The following LPIN1 variants were observed in gnomAD, a reference collection of about 807,000 sequenced individuals.
LPIN1 encodes the protein lipin 1.
Under a neutral mutation model 107.5 loss-of-function variants are expected in LPIN1, and 71 were observed. The observed-to-expected ratio is 0.66, with a 90% CI of 0.55 to 0.80. The LOEUF is 0.80. Among genes scored for constraint, LPIN1 ranks in the 30% least tolerant of loss-of-function variants. The pLI is 0.00. For missense variants in LPIN1, 1,043 were observed against 1,160.6 expected (o/e 0.90, Z 1.47); for synonymous variants, 445 against 452.6 (o/e 0.98, Z 0.21).
At chr2:11,793,891 C>T (rs1676217253) in intron 13 of LPIN1, among the ~76,000 whole-genome samples, 1 of 152,188 alleles carries the variant, frequency 6.6e-6, no homozygotes, top group Admixed American at 6.5e-5. Context: ...TTCTTGGTCT[C>T]CATATTGGAC....
chr2:11,796,516 C>T (rs1572885149), intron 14 of LPIN1, among the ~76,000 whole-genome samples: 1 of 152,034 alleles, frequency 6.6e-6, no homozygotes, highest in Non-Finnish European at 1.5e-5. Flanking sequence ...GACGAGTGTG[C>T]GGGACCTGGT....
At chr2:11,718,926 G>T (rs758467519) in intron 2 of LPIN1, among the ~76,000 whole-genome samples, 2 of 152,318 alleles carry the variant, frequency 1.3e-5, no homozygotes, top group East Asian at 3.9e-4. Flanking sequence ...GGCTAAGGAC[G>T]CAAGGAGTGG....
chr2:11,734,732 G>T (rs1665610452), intron 1 of LPIN1, among the ~76,000 whole-genome samples: 1 of 152,170 alleles, frequency 6.6e-6, no homozygotes, highest in African/African-American at 2.4e-5. Flanking sequence ...TTTACAGGTG[G>T]CCACAGGCTT....
chr2:11,731,830 G>GTTTTT (rs58665647), intron 1 of LPIN1, among the ~76,000 whole-genome samples: 2 of 149,588 alleles, frequency 1.3e-5, no homozygotes, highest in African/African-American at 4.9e-5. Flanking sequence ...GTGATGATGA[G>GTTTTT]TTTTTTTTTT....
intron 1 of LPIN1, among the ~76,000 whole-genome samples, chr2:11,756,463 A>G (rs928874661): frequency 1.3e-5 from 2 of 152,126 alleles, no homozygotes; most frequent in African/African-American, 4.8e-5. Flanking sequence ...ATCTCAGCCC[A>G]TTGCAACCTC....
chr2:11,684,370 G>T (rs1321583720), intron 1 of LPIN1, among the ~76,000 whole-genome samples: 2 of 152,184 alleles, frequency 1.3e-5, no homozygotes, highest in African/African-American at 4.8e-5. Flanking sequence ...TAAAAACAAG[G>T]TTTCTCTATG....
Position 11,803,121 on chromosome 2 carries a change from C to T in LPIN1, c.2013+88C>T, listed in dbSNP as rs189653651. The T allele has an allele frequency of 2.0e-4, 320 of 1,561,664 alleles. No homozygotes were observed. The highest frequency in any genetic ancestry group is 1.4e-3 in the Middle Eastern group (6 of 4,346). On this transcript the variant is annotated intron_variant, in intron 15 of 20. Transcript: ENST00000674199. The surrounding 1 kb of genome is among the most constrained non-coding windows in gnomAD (Gnocchi z 4.2). The stretch of plus-strand genomic sequence containing the variant: ...GGCTGTGTGATGGTTGGGATGTGCC[C>T]GTTACTTGTCACCTTTCATCCCAGG...
In LPIN1 at chr2:11,784,912, A is replaced by C. The variant is rs185891077; in HGVS notation, c.1385A>C (p.His462Pro). ...GGAGATCCTTCCGGACTCGCAAAACATGCAAGCGACAACGGAGCCCGGTCA... is the reference window on the plus strand; with the variant it reads ...GGAGATCCTTCCGGACTCGCAAAACCTGCAAGCGACAACGGAGCCCGGTCA... ...KNGDPSGLAK[H>P]ASDNGARSAN... The change falls in exon 10 of 21, where the codon CAT becomes CCT. Residue 462 changes from histidine to proline, a missense_variant. Transcript: ENST00000674199. 3.0e-5 allele frequency: 48 copies of C among 1,613,898 alleles called. No homozygotes were observed. In the African/African-American group the frequency reaches 4.7e-4, roughly 16 times the overall value.
chr2:11,737,240 G>A (rs1378136028), intron 1 of LPIN1, among the ~76,000 whole-genome samples: 1 of 152,022 alleles, frequency 6.6e-6, no homozygotes, highest in African/African-American at 2.4e-5. Flanking sequence ...AACTCAAGAA[G>A]GATTAAAGAC....
intron 16 of LPIN1, 41 bp from the exon 17 acceptor site, chr2:11,805,029 A>G (rs1461963205): frequency 8.0e-7 from 1 of 1,257,226 alleles, no homozygotes; most frequent in South Asian, 1.2e-5. Context: ...TGAATCTGAA[A>G]GGGATTTTTA....
chr2:11,771,667 T>C lies in LPIN1; in HGVS notation c.584T>C (p.Leu195Pro), dbSNP rs765244673. The change falls in exon 4 of 21, where the codon CTG (leucine) becomes CCG (proline). Residue 195 changes from leucine to proline, a missense_variant. Leu to Pro is a moderately conservative substitution (Grantham distance 98). Coordinates refer to ENST00000674199, the MANE Select transcript of LPIN1 (RefSeq NM_001349206.2). The surrounding 1 kb of genome is among the most constrained non-coding windows in gnomAD (Gnocchi z 4.8). The part of the protein sequence containing the change: ...EMSSDEAMEL[L>P]ESSRTLPNDI... ...AGCTCGGATGAGGCCATGGAGCTGC[T>C]GGAGAGCAGCAGGTAATAACTGTCC... is the stretch of plus-strand genomic sequence containing the variant. 15 of 1,591,402 alleles carry C rather than the reference T, an allele frequency of 9.4e-6. No homozygotes were observed. Among genetic ancestry groups the C allele is most frequent in the Non-Finnish European group, 1.2e-5 (14 of 1,169,260 alleles).
In LPIN1 at chr2:11,707,416, G is replaced by A. The variant is rs1229866815; in HGVS notation, c.82-6340G>A. ...TGAAGAGGTGGCAGGAGGTGAGTCC[G>A]GAACCGTGGCCAGACCCCCTGAGGC... is the stretch of plus-strand genomic sequence containing the variant. On this transcript the variant is annotated intron_variant, in intron 1 of 21. Coordinates refer to the LPIN1 transcript ENST00000449576. This position sits in a 1 kb window ranked among gnomAD's most constrained non-coding sequence, Gnocchi z 4.2. Among the ~76,000 whole-genome samples the A allele has an allele frequency of 6.6e-6, 1 of 152,174 alleles. No individual in the cohort carries two copies. The highest frequency in any genetic ancestry group is 1.5e-5 in the Non-Finnish European group (1 of 68,026).
upstream of LPIN1, among the ~76,000 whole-genome samples, chr2:11,720,830 A>G (rs1283958435): frequency 6.6e-6 from 1 of 151,764 alleles, no homozygotes; most frequent in Non-Finnish European, 1.5e-5. Flanking sequence ...TCTCCCGAGG[A>G]TGCTGCAGCT....
chr2:11,714,533 C>T (rs148529089), intron 2 of LPIN1, among the ~76,000 whole-genome samples: 4 of 152,302 alleles, frequency 2.6e-5, no homozygotes, highest in East Asian at 1.9e-4. Context: ...CTCTGTCTCC[C>T]GTTCCTTTCT....
intron 1 of LPIN1, among the ~76,000 whole-genome samples, chr2:11,693,822 ATTTTTTTTTTTTTTTTT>A (rs34409476): frequency 5.3e-5 from 1 of 18,988 alleles, no homozygotes; most frequent in African/African-American, 1.6e-4. Context: ...ATATATATAT[ATTTTTTTTTTTTTTTTT>A]TTTTTTTTTT....
At position 11,768,674 on chromosome 2, in the gene LPIN1, C is replaced by T. The variant is rs112986520; in HGVS notation, c.288+816C>T. On this transcript the variant is annotated intron_variant, in intron 3 of 20. Transcript: ENST00000674199. Reference sequence around the variant, plus strand: ...ACTTGGGGCTGGGCATGGTGGCTCACGCCTGTAATCCCAGCACTTTGGGAG... The same window carrying T: ...ACTTGGGGCTGGGCATGGTGGCTCATGCCTGTAATCCCAGCACTTTGGGAG... Among the ~76,000 whole-genome samples the T allele has an allele frequency of 2.8e-3, 433 of 152,160 alleles. 4 individuals are homozygous for T. Among genetic ancestry groups the T allele is most frequent in the African/African-American group, 0.01 (415 of 41,500 alleles).
chr2:11,789,338 T>C (rs62114960), intron 12 of LPIN1, among the ~76,000 whole-genome samples: 16,584 of 152,166 alleles, frequency 0.11, 1,053 homozygotes, highest in Middle Eastern at 0.16. Context: ...CATACGTGCA[T>C]GTGTATGCAT....
At chr2:11,703,648 C>T (rs1469177544) in intron 1 of LPIN1, among the ~76,000 whole-genome samples, 3 of 152,094 alleles carry the variant, frequency 2.0e-5, no homozygotes, top group African/African-American at 7.2e-5. Context: ...AACTCATAGA[C>T]ACCTGCAAAA....
chr2:11,783,975 T>C, intron 9 of LPIN1, 53 bp downstream of exon 9: 2 of 1,612,926 alleles, frequency 1.2e-6, no homozygotes, highest in Non-Finnish European at 1.7e-6. Flanking sequence ...AATATCATTC[T>C]GTGTGAGACC....
Sources: allele counts gnomAD v4.1 joint callset (sites outside exome capture counted in the v4.1 genomes callset), GRCh38; gene constraint gnomAD v4.1.1; non-coding constraint Gnocchi (gnomAD v3.1); transcripts MANE v1.5; gene names NCBI Gene and HGNC (gene_info 2026-07-23, HGNC 2026-07-21).